Variants in SLC30A8 observed in about 807,000 individuals in gnomAD.
The protein encoded by SLC30A8 is solute carrier family 30 member 8.
SLC30A8 carries 27 observed loss-of-function variants against 36.9 expected under a neutral mutation model. The observed-to-expected ratio is 0.73, with a 90% CI of 0.54 to 1.01. SLC30A8 has a LOEUF of 1.01. SLC30A8 is among the 50% of genes least tolerant of loss of function. The probability of loss-of-function intolerance (pLI) is 0.00; values close to 1 mark genes in which losing one functional copy is unlikely to be tolerated. For missense variants in SLC30A8, 439 were observed against 452.0 expected (o/e 0.97, Z 0.26); for synonymous variants, 164 against 172.4 (o/e 0.95, Z 0.38).
intron 1 of SLC30A8, chr8:117,146,746 A>G: frequency 7.9e-7 from 1 of 1,265,988 alleles, no homozygotes; most frequent in Non-Finnish European, 1.0e-6. Context: ...ACTGAATAAA[A>G]GTAAAACTTT....
intron 6 of SLC30A8, among the ~76,000 whole-genome samples, chr8:117,169,576 T>C (rs1459070642): frequency 6.6e-6 from 1 of 152,134 alleles, no homozygotes; most frequent in Non-Finnish European, 1.5e-5. Flanking sequence ...CACATTGCTA[T>C]AAAGAAATAC....
chr8:117,009,627 T>C (rs1816282598), intron 1 of SLC30A8, among the ~76,000 whole-genome samples: 1 of 129,840 alleles, frequency 7.7e-6, no homozygotes, highest in Non-Finnish European at 1.8e-5. Context: ...CACTTTCTGA[T>C]GTGAAGGCAG....
chr8:117,077,089 AC>A (rs1471587709), intron 2 of SLC30A8, among the ~76,000 whole-genome samples: 1 of 152,136 alleles, frequency 6.6e-6, no homozygotes, highest in African/African-American at 2.4e-5. Context: ...CTCTTGATAG[AC>A]CACCTGTTTA....
chr8:117,154,550 C>G (rs1486465120), intron 3 of SLC30A8, among the ~76,000 whole-genome samples: 1 of 152,192 alleles, frequency 6.6e-6, no homozygotes, highest in Admixed American at 6.5e-5. Flanking sequence ...TAAACAAACA[C>G]TTGATCATCG....
chr8:116,997,106 C>T (rs1289758080), intron 1 of SLC30A8, among the ~76,000 whole-genome samples: 3 of 151,922 alleles, frequency 2.0e-5, no homozygotes, highest in Non-Finnish European at 4.4e-5. Context: ...GGCACAGTTT[C>T]TAAAAACCTG....
At chr8:117,098,746 T>C (rs1819580019) in intron 2 of SLC30A8, among the ~76,000 whole-genome samples, 1 of 152,190 alleles carries the variant, frequency 6.6e-6, no homozygotes, top group African/African-American at 2.4e-5. Flanking sequence ...TCTTTGGTAA[T>C]ACTGTTCTTA....
intron 1 of SLC30A8, among the ~76,000 whole-genome samples, chr8:117,032,706 A>G (rs556211426): frequency 2.0e-5 from 3 of 152,288 alleles, no homozygotes; most frequent in Admixed American, 6.5e-5. Flanking sequence ...CCTGGCCAAC[A>G]TGGCTAAACC....
At chr8:117,166,765 G>GTTTTTTTTTTTT in intron 6 of SLC30A8, among the ~76,000 whole-genome samples, 1 of 130,498 alleles carries the variant, frequency 7.7e-6, no homozygotes, top group African/African-American at 3.0e-5. Flanking sequence ...GACATTAGCT[G>GTTTTTTTTTTTT]ATTTTTTTTT....
intron 3 of SLC30A8, among the ~76,000 whole-genome samples, chr8:117,154,893 G>C (rs1822395638): frequency 6.6e-6 from 1 of 152,114 alleles, no homozygotes; most frequent in South Asian, 2.1e-4. Context: ...TCTGCTGCGA[G>C]GGCAATATTC....
intron 1 of SLC30A8, among the ~76,000 whole-genome samples, chr8:116,975,036 G>C (rs1814936894): frequency 8.8e-6 from 1 of 113,362 alleles, no homozygotes; most frequent in Non-Finnish European, 1.7e-5. Context: ...GCCTGTTGTG[G>C]GGTGGGGGGA....
At chr8:117,106,991 C>T (rs1398401052) in intron 2 of SLC30A8, among the ~76,000 whole-genome samples, 1 of 152,130 alleles carries the variant, frequency 6.6e-6, no homozygotes, top group Non-Finnish European at 1.5e-5. Context: ...TGTCACTTGG[C>T]CCACATGATG....
At chr8:117,096,473 C>G (rs574599717) in intron 2 of SLC30A8, among the ~76,000 whole-genome samples, 1 of 152,190 alleles carries the variant, frequency 6.6e-6, no homozygotes, top group East Asian at 1.9e-4. Flanking sequence ...AAAGTAGATG[C>G]ATTTAATGAC....
At chr8:117,073,425 A>T (rs1006049560) in intron 2 of SLC30A8, among the ~76,000 whole-genome samples, 2 of 151,720 alleles carry the variant, frequency 1.3e-5, no homozygotes, top group African/African-American at 4.8e-5. Context: ...AGCTAACTTG[A>T]TTAGATTTAT....
intron 2 of SLC30A8, among the ~76,000 whole-genome samples, chr8:117,088,097 G>A (rs186096588): frequency 1.9e-3 from 295 of 152,048 alleles, no homozygotes; most frequent in Admixed American, 3.1e-3. Flanking sequence ...AATGGAGGGA[G>A]AGAGAAAGAG....
At chr8:117,109,750 G>A (rs1321752319) in intron 2 of SLC30A8, among the ~76,000 whole-genome samples, 1 of 152,246 alleles carries the variant, frequency 6.6e-6, no homozygotes, top group African/African-American at 2.4e-5. Context: ...CAACAGACTC[G>A]TAGGCTTTTC....
At chr8:117,037,314 T>G in intron 1 of SLC30A8, among the ~76,000 whole-genome samples, 1 of 152,182 alleles carries the variant, frequency 6.6e-6, no homozygotes, top group East Asian at 1.9e-4. Flanking sequence ...TCTGAAAATA[T>G]TGACTTGAGC....
At chr8:117,118,656 GCTC>G (rs1457543241) in intron 2 of SLC30A8, among the ~76,000 whole-genome samples, 1 of 151,700 alleles carries the variant, frequency 6.6e-6, no homozygotes, top group Non-Finnish European at 1.5e-5. Flanking sequence ...TTTACAGCAG[GCTC>G]CTTTTTTCTT....
chr8:117,162,095 G>A (rs929575134), intron 5 of SLC30A8, among the ~76,000 whole-genome samples: 1 of 152,142 alleles, frequency 6.6e-6, no homozygotes, highest in African/African-American at 2.4e-5. Flanking sequence ...TGGATTATAA[G>A]CAATAGGGAA....
chr8:116,993,493 A>G (rs557581309), intron 1 of SLC30A8, among the ~76,000 whole-genome samples: 1 of 152,220 alleles, frequency 6.6e-6, no homozygotes, highest in Non-Finnish European at 1.5e-5. Context: ...AGATGCAGGA[A>G]AAGTGATCTA....
Sources: gnomAD v4.1 joint callset for allele counts (sites outside exome capture counted in the v4.1 genomes callset) on GRCh38, gnomAD v4.1.1 for gene constraint, MANE v1.5 for transcripts, NCBI Gene and HGNC (gene_info 2026-07-23, HGNC 2026-07-21) for gene names.